The following CLIC6 variants were observed in gnomAD, a reference collection of about 807,000 sequenced individuals.
The protein encoded by CLIC6 is CLIC family member 6.
CLIC6 carries 39 observed loss-of-function variants against 49.2 expected under a neutral mutation model. That is an observed-to-expected ratio of 0.79 (90% CI 0.61 to 1.04). The LOEUF (loss-of-function observed/expected upper bound fraction) is 1.04, where lower values mean the gene tolerates loss of function less well. CLIC6 is among the 50% of genes least tolerant of loss of function. The pLI, the probability that CLIC6 is intolerant of heterozygous loss-of-function variation, is 0.00. For missense variants in CLIC6, 988 were observed against 993.1 expected (o/e 0.99, Z 0.07); for synonymous variants, 446 against 433.4 (o/e 1.03, Z -0.36).
chr21:34,681,555 A>G (rs1218670879), intron 1 of CLIC6, among the ~76,000 whole-genome samples: 1 of 152,180 alleles, frequency 6.6e-6, no homozygotes, highest in Non-Finnish European at 1.5e-5. Context: ...AGGACTTATT[A>G]GGGCTGGATA....
intron 5 of CLIC6, among the ~76,000 whole-genome samples, chr21:34,712,994 G>C (rs576759340): frequency 2.0e-5 from 3 of 152,186 alleles, no homozygotes; most frequent in Admixed American, 1.3e-4. Flanking sequence ...TATTCCAGTT[G>C]GTTGGCCACC....
chr21:34,670,264 C>G lies in CLIC6; in HGVS notation c.876C>G (p.Val292=), dbSNP rs1989525148. 6.9e-7 allele frequency: 1 copy of G among 1,439,056 alleles called. No individual in the cohort carries two copies. The allele number at this position is 1,439,056 out of a possible 1,614,324, so 89.1% of individuals were successfully genotyped here. Residue 292 remains valine (V), a synonymous_variant, in exon 1 of 6, where the codon GTC becomes GTG. Transcript: ENST00000349499. ...AEGPAGRARR[V]SGEPQQSGDG... is the part of the protein sequence containing the mutation. ...GTCCGGCAGGAAGGGCGCGCCGGGTCTCGGGTGAGCCGCAGCAATCGGGGG... is the reference window on the plus strand; with the variant it reads ...GTCCGGCAGGAAGGGCGCGCCGGGTGTCGGGTGAGCCGCAGCAATCGGGGG...
rs1390452723 is a variant in CLIC6, at chr21:34,670,604, G to T, written c.1216G>T (p.Ala406Ser). 3.2e-6 allele frequency: 5 copies of T among 1,538,578 alleles called. No individual in the cohort carries two copies. The African/African-American group carries it at 4.1e-5, about 13-fold the overall frequency. ...CCCACATGGGGAGGCCTCCAGGGGC[G>T]CCGCGGAGCCTGAGGCCCAGCTCAG... ...SSPHGEASRG[A>S]AEPEAQLSNH... Residue 406 changes from alanine to serine, a missense_variant, in exon 1 of 6, where the codon GCC (alanine) becomes TCC (serine). By Grantham distance (99) the Ala-to-Ser change is moderately conservative. Transcript: ENST00000349499.
chr21:34,716,862 T>TCTCTCTCTCTCTCTCACACACACACA lies in CLIC6; in HGVS notation c.*381_*382insTCTCTCTCTCTCTCACACACACACAC. 7.6e-6 allele frequency: 1 copy of TCTCTCTCTCTCTCTCACACACACACA among 131,634 alleles called. No individual in the cohort carries two copies. Among genetic ancestry groups the TCTCTCTCTCTCTCTCACACACACACA allele is most frequent in the Admixed American group, 7.7e-5 (1 of 13,068 alleles). 8.2% of individuals were successfully genotyped at this position (131,634 alleles called of 1,614,324 possible). A position where few individuals can be genotyped will look rare whatever the true frequency, so the allele number is the denominator to read the frequency against. On this transcript the variant is annotated 3_prime_UTR_variant, in exon 6 of 6. Coordinates refer to ENST00000349499, the MANE Select transcript of CLIC6 (RefSeq NM_053277.3). The stretch of plus-strand genomic sequence containing the variant: ...CTCTCTCTCTCTCTCTCTCTCTCTA[T>TCTCTCTCTCTCTCTCACACACACACA]CACACACACACACACACACACACAC...
In CLIC6 at chr21:34,670,152, C is replaced by A. The variant is rs1308082430; in HGVS notation, c.764C>A (p.Pro255Gln). Residue 255 changes from proline to glutamine, a missense_variant, in exon 1 of 6, where the codon CCG becomes CAG. Pro to Gln is a moderately conservative substitution (Grantham distance 76). Coordinates refer to ENST00000349499, the MANE Select transcript of CLIC6 (RefSeq NM_053277.3). ...GGGGACAGCGTAGAGGCGGGGGACCCGGCGGGGGACGGCGTAGAAGCGGGG... is the reference window on the plus strand; with the variant it reads ...GGGGACAGCGTAGAGGCGGGGGACCAGGCGGGGGACGGCGTAGAAGCGGGG... ...RVGDSVEAGDPAGDGVEAGVP... is the reference protein window; with the variant it reads ...RVGDSVEAGDQAGDGVEAGVP... 8.0e-7 allele frequency: 1 copy of A among 1,257,180 alleles called. No individual in the cohort carries two copies. The highest frequency in any genetic ancestry group is 2.0e-5 in the South Asian group (1 of 49,146). 77.9% of individuals were successfully genotyped at this position (1,257,180 alleles called of 1,614,324 possible). A position where few individuals can be genotyped will look rare whatever the true frequency, so the allele number is the denominator to read the frequency against.
In CLIC6 at chr21:34,669,618, G is replaced by C. The variant is rs1475952106; in HGVS notation, c.230G>C (p.Arg77Thr). The change falls in exon 1 of 6, where the codon AGG (arginine) becomes ACG (threonine). Residue 77 changes from arginine (R) to threonine (T), a missense_variant. By Grantham distance (71) the Arg-to-Thr change is moderately conservative. Transcript: ENST00000349499. The part of the protein sequence containing the change: ...RGPEAEARGT[R>T]GAHGETEAEE... ...CCGGAGGCCGAGGCGCGGGGCACGA[G>C]GGGGGCGCACGGCGAGACTGAGGCC... The C allele has an allele frequency of 1.2e-5, 15 of 1,279,102 alleles. No homozygotes were observed. The highest frequency in any genetic ancestry group is 1.5e-5 in the African/African-American group (1 of 64,564). 79.2% of individuals were successfully genotyped at this position (1,279,102 alleles called of 1,614,324 possible). A position where few individuals can be genotyped will look rare whatever the true frequency, so the allele number is the denominator to read the frequency against.
chr21:34,705,933 T>C, intron 1 of CLIC6: 1 of 523,164 alleles, frequency 1.9e-6, no homozygotes, highest in African/African-American at 1.9e-5. Flanking sequence ...TGTTAAAAAT[T>C]CACATTCCTA....
intron 1 of CLIC6, among the ~76,000 whole-genome samples, chr21:34,688,067 C>T (rs939011617): frequency 6.6e-6 from 1 of 151,444 alleles, no homozygotes; most frequent in Non-Finnish European, 1.5e-5. Flanking sequence ...TATTTATTTA[C>T]AAAAAAAAAT....
Position 34,716,410 on chromosome 21 carries a change from G to A in CLIC6, c.1989G>A (p.Glu663=), listed in dbSNP as rs1436841592. The stretch of plus-strand genomic sequence containing the variant: ...TGAATAATGCTTATGCTAGAGATGA[G>A]TTCACAAATACGTGTCCAGCTGATC... ...RYLNNAYARD[E]FTNTCPADQE... The change falls in exon 6 of 6, where the codon GAG becomes GAA. Residue 663 remains glutamate (E), a synonymous_variant. Transcript: ENST00000349499. 2 of 1,613,922 alleles carry A rather than the reference G, an allele frequency of 1.2e-6. No individual in the cohort carries two copies. The highest frequency in any genetic ancestry group is 1.7e-5 in the Admixed American group (1 of 60,024).
At chr21:34,698,316 A>C (rs1354678860) in intron 1 of CLIC6, among the ~76,000 whole-genome samples, 1 of 152,114 alleles carries the variant, frequency 6.6e-6, no homozygotes, top group African/African-American at 2.4e-5. Flanking sequence ...CTCTGAAGGA[A>C]TGTCACCTAC....
In CLIC6 at chr21:34,709,546, T is replaced by C; in HGVS notation, c.1899+8T>C. The stretch of plus-strand genomic sequence containing the variant: ...AAGCTCCATATTATTAAGGTTCATC[T>C]TCCCTCCCGACACGTGTGCCGAGTA... On this transcript the variant is annotated splice_region_variant and intron_variant, in intron 5 of 5. Coordinates refer to ENST00000349499, the MANE Select transcript of CLIC6 (RefSeq NM_053277.3). The C allele has an allele frequency of 6.2e-7, 1 of 1,613,100 alleles. No homozygotes were observed. The highest frequency in any genetic ancestry group is 2.2e-5 in the East Asian group (1 of 44,878).
At chr21:34,688,077 T>A (rs767077014) in intron 1 of CLIC6, among the ~76,000 whole-genome samples, 7 of 152,268 alleles carry the variant, frequency 4.6e-5, no homozygotes, top group Admixed American at 3.3e-4. Flanking sequence ...CAAAAAAAAA[T>A]TTCTTTTCTA....
chr21:34,703,079 ACCAGACG>A (rs1383104052), intron 1 of CLIC6, among the ~76,000 whole-genome samples: 1 of 151,958 alleles, frequency 6.6e-6, no homozygotes, highest in African/African-American at 2.4e-5. Flanking sequence ...AGATCCCTCC[ACCAGACG>A]CCATGTCTTT....
chr21:34,691,085 G>C (rs961488106), intron 1 of CLIC6, among the ~76,000 whole-genome samples: 7 of 152,106 alleles, frequency 4.6e-5, no homozygotes, highest in Non-Finnish European at 7.4e-5. Context: ...ATTCCATAAT[G>C]TCTGAGGTAT....
chr21:34,716,244 A>G (rs1020153781), intron 5 of CLIC6, 77 bp from the exon 6 acceptor site: 57 of 1,236,282 alleles, frequency 4.6e-5, no homozygotes, highest in Non-Finnish European at 6.2e-5. Context: ...TGCATGCCTC[A>G]GAAGAATGGA....
chr21:34,670,261 G>C lies in CLIC6; in HGVS notation c.873G>C (p.Arg291=), dbSNP rs1989524974. 7.0e-7 allele frequency: 1 copy of C among 1,437,788 alleles called. No individual in the cohort carries two copies. The highest frequency in any genetic ancestry group is 9.1e-7 in the Non-Finnish European group (1 of 1,102,896). The allele number at this position is 1,437,788 out of a possible 1,614,324, so 89.1% of individuals were successfully genotyped here. A position where few individuals can be genotyped will look rare whatever the true frequency, so the allele number is the denominator to read the frequency against. The change falls in exon 1 of 6, where the codon CGG becomes CGC. Residue 291 remains arginine, a synonymous_variant. Coordinates refer to ENST00000349499, the MANE Select transcript of CLIC6 (RefSeq NM_053277.3). Reference sequence around the variant, plus strand: ...AGGGTCCGGCAGGAAGGGCGCGCCGGGTCTCGGGTGAGCCGCAGCAATCGG... The same window carrying C: ...AGGGTCCGGCAGGAAGGGCGCGCCGCGTCTCGGGTGAGCCGCAGCAATCGG... ...DAEGPAGRAR[R]VSGEPQQSGD... is the part of the protein sequence containing the mutation.
At chr21:34,708,128 A>G (rs1275857339) in intron 3 of CLIC6, 59 bp downstream of exon 3, 4 of 1,598,296 alleles carry the variant, frequency 2.5e-6, no homozygotes, top group Non-Finnish European at 2.6e-6. Context: ...ACTAGTAGTC[A>G]GTTCTAAAGC....
At position 34,670,479 on chromosome 21, in the gene CLIC6, A is replaced by ATCCC. The variant is rs1989533225; in HGVS notation, c.1091_1092insTCCC (p.Gln364HisfsTer48). ...GAGGACAGGGTAGGGGATGGGCCAC[A>ATCCC]GCAGGAGCCGGGGGAGGACGAAGAG... On this transcript the variant is annotated frameshift_variant, in exon 1 of 6. Transcript: ENST00000349499. LOFTEE classifies it high-confidence loss of function. 1 of 1,492,654 alleles carries ATCCC rather than the reference A, an allele frequency of 6.7e-7. No homozygotes were observed. The highest frequency in any genetic ancestry group is 8.9e-7 in the Non-Finnish European group (1 of 1,121,060). 92.5% of individuals were successfully genotyped at this position (1,492,654 alleles called of 1,614,324 possible).
In CLIC6 at chr21:34,708,056, T is replaced by C. The variant is rs758499451; in HGVS notation, c.1597T>C (p.Leu533=). ...GATCGAGGAGTTCTTAGAGGAGAAA[T>C]TAGCTCCCCCGAGGTAGGCCTCAGA... ...NKIEEFLEEK[L]APPRYPKLGT... The change falls in exon 3 of 6, where the codon TTA becomes CTA. Residue 533 remains leucine (L), a synonymous_variant. Coordinates refer to ENST00000349499, the MANE Select transcript of CLIC6 (RefSeq NM_053277.3). 1 of 1,614,040 alleles carries C rather than the reference T, an allele frequency of 6.2e-7. No homozygotes were observed. Among genetic ancestry groups the C allele is most frequent in the South Asian group, 1.1e-5 (1 of 91,068 alleles).
Sources: gnomAD v4.1 joint callset for allele counts (sites outside exome capture counted in the v4.1 genomes callset) on GRCh38, gnomAD v4.1.1 for gene constraint, MANE v1.5 for transcripts, NCBI Gene and HGNC (gene_info 2026-07-23, HGNC 2026-07-21) for gene names.